Variants in CABIN1 observed in about 807,000 individuals in gnomAD.
CABIN1 encodes calcineurin-binding protein cabin-1.
A neutral mutation model predicts 227.7 loss-of-function variants in CABIN1; 133 were observed. That is an observed-to-expected ratio of 0.58 (90% CI 0.51 to 0.67). The LOEUF (loss-of-function observed/expected upper bound fraction) is 0.67, where lower values mean the gene tolerates loss of function less well. Among genes scored for constraint, CABIN1 ranks in the 30% least tolerant of loss-of-function variants. The pLI is 0.00. For synonymous variants in CABIN1, 1,086 were observed against 1,155.1 expected, an observed-to-expected ratio of 0.94 and a Z score of 1.21; for missense variants, 2,408 against 2,852.5, an observed-to-expected ratio of 0.84 and a Z score of 3.55.
chr22:24,160,639 T>A (rs2046096918), intron 29 of CABIN1, among the ~76,000 whole-genome samples: 1 of 152,190 alleles, frequency 6.6e-6, no homozygotes, highest in Non-Finnish European at 1.5e-5. Flanking sequence ...CCCCTGCCCC[T>A]CCAGGAGTAA....
At position 24,049,086 on chromosome 22, in the gene CABIN1, G is replaced by A. The variant is rs371498709; in HGVS notation, c.527-5G>A. 67 of 1,613,518 alleles carry A rather than the reference G, an allele frequency of 4.2e-5. No homozygotes were observed. Among genetic ancestry groups the A allele is most frequent in the African/African-American group, 5.3e-5 (4 of 74,884 alleles). ...GAAGTCATAAACTGTCTCTTTCCCC[G>A]CCAGCATGTCTGTACTTCATCTGCA... On this transcript the variant is annotated splice_polypyrimidine_tract_variant and splice_region_variant and intron_variant, in intron 6 of 36. Transcript: ENST00000263119.
chr22:24,118,123 T>C (rs2043189987), intron 27 of CABIN1, among the ~76,000 whole-genome samples: 1 of 151,992 alleles, frequency 6.6e-6, no homozygotes, highest in Non-Finnish European at 1.5e-5. Flanking sequence ...GATGCTCTTA[T>C]GGCTTTTCTT....
At chr22:24,018,965 A>G (rs972969403) in intron 1 of CABIN1, among the ~76,000 whole-genome samples, 1 of 152,054 alleles carries the variant, frequency 6.6e-6, no homozygotes, top group African/African-American at 2.4e-5. Context: ...TTTCTTGCAC[A>G]GTTTTAATTA....
chr22:24,127,022 T>TA (rs1335638764), intron 28 of CABIN1, among the ~76,000 whole-genome samples: 2 of 147,036 alleles, frequency 1.4e-5, no homozygotes, highest in East Asian at 2.0e-4. Context: ...AAAGCTAAAC[T>TA]AAAAAAACAA....
chr22:24,177,948 G>A lies in CABIN1; in HGVS notation c.6520-105G>A. On this transcript the variant is annotated intron_variant, in intron 36 of 36. Transcript: ENST00000263119. The surrounding 1 kb of genome is among the most constrained non-coding windows in gnomAD (Gnocchi z 4.4). ...AGGATGGCATAGGGGCCTGGGGCAGGGGTGAGGGTGGGAGGGGGGCCTGGG... is the reference window on the plus strand; with the variant it reads ...AGGATGGCATAGGGGCCTGGGGCAGAGGTGAGGGTGGGAGGGGGGCCTGGG... 6.4e-7 allele frequency: 1 copy of A among 1,561,834 alleles called. No homozygotes were observed. The highest frequency in any genetic ancestry group is 1.2e-5 in the South Asian group (1 of 86,898).
At chr22:24,147,449 CTT>C (rs2148427220) in intron 29 of CABIN1, among the ~76,000 whole-genome samples, 1 of 146,548 alleles carries the variant, frequency 6.8e-6, no homozygotes, top group Admixed American at 7.0e-5. Flanking sequence ...TTCTTTCTTT[CTT>C]TCTTTTTTTT....
intron 3 of CABIN1, among the ~76,000 whole-genome samples, chr22:24,037,274 A>G (rs1019028869): frequency 1.1e-3 from 164 of 151,644 alleles, no homozygotes; most frequent in African/African-American, 2.5e-3. Flanking sequence ...AAAAAAAAAA[A>G]AAAAGAAAAG....
In CABIN1 at chr22:24,060,142, G is replaced by A. The variant is rs534522035; in HGVS notation, c.1617+1G>A. 16 of 1,612,874 alleles carry A rather than the reference G, an allele frequency of 9.9e-6. No individual in the cohort carries two copies. Among genetic ancestry groups the A allele is most frequent in the Non-Finnish European group, 1.4e-5 (16 of 1,179,880 alleles). ...GGACTGCAGCAACAAGCACATCAAGGTTAGGGGGAGCCTCTCAAGGGCTGG... is the reference window on the plus strand; with the variant it reads ...GGACTGCAGCAACAAGCACATCAAGATTAGGGGGAGCCTCTCAAGGGCTGG... On this transcript the variant is annotated splice_donor_variant, in intron 12 of 36. Transcript: ENST00000263119. LOFTEE classifies it high-confidence loss of function.
In CABIN1 at chr22:24,098,176, G is replaced by A. The variant is rs920014524; in HGVS notation, c.4101G>A (p.Gln1367=). The A allele has an allele frequency of 1.2e-6, 2 of 1,613,994 alleles. No homozygotes were observed. The highest frequency in any genetic ancestry group is 1.7e-6 in the Non-Finnish European group (2 of 1,180,036). ...ACGTCAAATGTAAAAAACCCCACCA[G>A]CAGGCAACGCCGGACGGTACAGTCC... is the stretch of plus-strand genomic sequence containing the variant. ...HDYVKCKKPH[Q]QATPDDRSQD... is the part of the protein sequence containing the mutation. Residue 1367 remains glutamine (Q), a synonymous_variant, in exon 26 of 37, where the codon CAG becomes CAA. Coordinates refer to ENST00000263119, the MANE Select transcript of CABIN1 (RefSeq NM_012295.4).
chr22:24,042,671 C>T (rs552086527), intron 5 of CABIN1, among the ~76,000 whole-genome samples: 6 of 152,248 alleles, frequency 3.9e-5, no homozygotes, highest in Non-Finnish European at 5.9e-5. Context: ...ATCTTGGAAA[C>T]GTGCGACTCC....
In CABIN1 at chr22:24,063,019, G is replaced by A. The variant is rs1300323636; in HGVS notation, c.1757G>A (p.Gly586Glu). 1.2e-6 allele frequency: 2 copies of A among 1,614,166 alleles called. No individual in the cohort carries two copies. The highest frequency in any genetic ancestry group is 1.7e-5 in the Admixed American group (1 of 60,026). ...VNGRFGPDFP[G>E]THCLGDLLQL... ...GGCAGATTTGGACCTGACTTCCCAG[G>A]GACCCACTGCCTGGGTGACCTCCTA... The change falls in exon 14 of 37, where the codon GGG (glycine) becomes GAG (glutamate). Residue 586 changes from glycine (G) to glutamate (E), a missense_variant. Around this residue, in one of 3 missense-constraint regions of CABIN1, gnomAD observed 1,045 missense variants for 1,168.4 expected, o/e 0.89. Coordinates refer to ENST00000263119, the MANE Select transcript of CABIN1 (RefSeq NM_012295.4).
In CABIN1 at chr22:24,174,376, G is replaced by A. The variant is rs546623766; in HGVS notation, c.6041-1735G>A. On this transcript the variant is annotated intron_variant, in intron 34 of 36. Transcript: ENST00000263119. ...ACTCCTGGGCTCAGGAGATCCACTC[G>A]CCTCAGCCTCCCAAAGTGCTGGGAT... 1.1e-4 allele frequency among the ~76,000 whole-genome samples: 16 copies of A among 152,224 alleles called. No individual in the cohort carries two copies. In the East Asian group the frequency reaches 2.3e-3, roughly 22 times the overall value.
At chr22:24,085,285 G>C in intron 22 of CABIN1, 134 bp downstream of exon 22, 1 of 969,802 alleles carries the variant, frequency 1.0e-6, no homozygotes, top group Non-Finnish European at 1.6e-6. Context: ...GGAATGAGAG[G>C]GTGGTTTAGC....
intron 29 of CABIN1, among the ~76,000 whole-genome samples, chr22:24,152,929 G>T (rs759461293): frequency 2.7e-5 from 3 of 109,146 alleles, no homozygotes; most frequent in Non-Finnish European, 5.6e-5. Context: ...CAGCTTGGGC[G>T]ACAGAGCAGA....
At chr22:24,139,737 C>G (rs1209428372) in intron 29 of CABIN1, among the ~76,000 whole-genome samples, 2 of 152,216 alleles carry the variant, frequency 1.3e-5, no homozygotes, top group Non-Finnish European at 2.9e-5. Context: ...CTCTCACAGT[C>G]TCCTGGTTTG....
intron 15 of CABIN1, among the ~76,000 whole-genome samples, chr22:24,064,743 A>G (rs1399715960): frequency 2.6e-5 from 4 of 152,194 alleles, no homozygotes; most frequent in Middle Eastern, 3.4e-3. Flanking sequence ...GCCTTCAAGC[A>G]TCTGTTTGAC....
chr22:24,062,028 A>C lies in CABIN1; in HGVS notation c.1696+3A>C. The stretch of plus-strand genomic sequence containing the variant: ...GACCAAAGGCAGAAGCTCTGCAGGT[A>C]GGAGGCATTATGTGTTCTGTGGCCA... On this transcript the variant is annotated splice_donor_region_variant and intron_variant, in intron 13 of 36. Transcript: ENST00000263119. 1 of 1,612,270 alleles carries C rather than the reference A, an allele frequency of 6.2e-7. No individual in the cohort carries two copies. The highest frequency in any genetic ancestry group is 8.5e-7 in the Non-Finnish European group (1 of 1,178,604).
chr22:24,061,485 A>G (rs2039188375), intron 12 of CABIN1, among the ~76,000 whole-genome samples: 1 of 152,244 alleles, frequency 6.6e-6, no homozygotes, highest in African/African-American at 2.4e-5. Context: ...GTGAAACAGC[A>G]GGAGGAACCA....
intron 16 of CABIN1, among the ~76,000 whole-genome samples, chr22:24,068,735 G>C (rs2039873638): frequency 6.6e-6 from 1 of 151,988 alleles, no homozygotes; most frequent in Non-Finnish European, 1.5e-5. Context: ...CTTTTAAATT[G>C]CAGAGAGGTT....
Sources: allele counts gnomAD v4.1 joint callset (sites outside exome capture counted in the v4.1 genomes callset), GRCh38; gene constraint gnomAD v4.1.1; regional missense constraint gnomAD v4.1.1; non-coding constraint Gnocchi (gnomAD v3.1); transcripts MANE v1.5; gene names NCBI Gene and HGNC (gene_info 2026-07-23, HGNC 2026-07-21).